The following EIF1AX variants were observed in gnomAD, a reference collection of about 807,000 sequenced individuals.
EIF1AX encodes eukaryotic translation initiation factor 1A, X-chromosomal.
A neutral mutation model predicts 16.1 loss-of-function variants in EIF1AX; 1 was observed. The ratio of observed to expected loss-of-function variants is 0.06; its 90% CI spans 0.02 to 0.30. The LOEUF is 0.30. Ranked by LOEUF, EIF1AX falls within the 10% of genes least tolerant of loss-of-function variation. The pLI, the probability that EIF1AX is intolerant of heterozygous loss-of-function variation, is 1.00. For missense variants in EIF1AX, 11 were observed against 109.1 expected, an observed-to-expected ratio of 0.10 and a Z score of 4.00; for synonymous variants, 32 against 37.3, an observed-to-expected ratio of 0.86 and a Z score of 0.51.
At position 20,125,365 on chromosome X, in the gene EIF1AX, A is replaced by C. The variant is rs2066982216; in HGVS notation, c.*2941T>G. The C allele has an allele frequency of 5.8e-6, 1 of 171,395 alleles. No individual in the cohort carries two copies. The highest frequency in any genetic ancestry group is 1.1e-5 in the Non-Finnish European group (1 of 89,346). The allele number at this position is 171,395 out of a possible 1,213,427, so 14.1% of individuals were successfully genotyped here. A position where few individuals can be genotyped will look rare whatever the true frequency, so the allele number is the denominator to read the frequency against. On this transcript the variant is annotated 3_prime_UTR_variant, in exon 7 of 7. Transcript: ENST00000379607. ...TTTTCTGAATAGGAAGAAAAAAAGCAAAGATAAAAAGGATGGTAGTTTAGG... is the reference window on the plus strand; with the variant it reads ...TTTTCTGAATAGGAAGAAAAAAAGCCAAGATAAAAAGGATGGTAGTTTAGG...
chrX:20,131,540 G>A (rs1030400994), intron 5 of EIF1AX, among the ~76,000 whole-genome samples: 3 of 109,917 alleles, frequency 2.7e-5, no homozygotes, highest in Non-Finnish European at 5.7e-5. Flanking sequence ...GCTGAGAATC[G>A]CTTGAACCTG....
rs926130921 is a variant in EIF1AX at position 20,125,469 on chromosome X, A to G, written c.*2837T>C. ...TAAATAAAACTTACCCTTACGAAGT[A>G]GAATAAAGATAAGCATTTCATACCA... On this transcript the variant is annotated 3_prime_UTR_variant, in exon 7 of 7. Transcript: ENST00000379607. 4 of 170,518 alleles carry G rather than the reference A, an allele frequency of 2.3e-5. No individual in the cohort carries two copies. The highest frequency in any genetic ancestry group is 3.4e-5 in the Non-Finnish European group (3 of 89,064). 14.1% of individuals were successfully genotyped at this position (170,518 alleles called of 1,213,427 possible).
chrX:20,132,504 T>C (rs1391685971), intron 4 of EIF1AX, among the ~76,000 whole-genome samples: 4 of 111,781 alleles, frequency 3.6e-5, no homozygotes, highest in Admixed American at 2.9e-4. Context: ...CTCACTTTAA[T>C]AAGAGCAGAA....
intron 6 of EIF1AX, among the ~76,000 whole-genome samples, chrX:20,128,864 T>C (rs2066992902): frequency 9.0e-6 from 1 of 111,171 alleles, no homozygotes; most frequent in African/African-American, 3.3e-5. Flanking sequence ...TGACCACGCC[T>C]AGATTCTCAA....
At chrX:20,134,238 A>T (rs2067009093) in intron 3 of EIF1AX, among the ~76,000 whole-genome samples, 1 of 110,809 alleles carries the variant, frequency 9.0e-6, no homozygotes, top group Non-Finnish European at 1.9e-5. Context: ...AAATACAAAA[A>T]TTAGCTGGGC....
At chrX:20,139,809 A>C (rs1335787447) in intron 1 of EIF1AX, among the ~76,000 whole-genome samples, 1 of 112,249 alleles carries the variant, frequency 8.9e-6, no homozygotes, top group East Asian at 2.8e-4. Flanking sequence ...TACCTCCAAA[A>C]AGAGAGTAAA....
intron 3 of EIF1AX, 147 bp downstream of exon 3, chrX:20,135,591 T>A: frequency 2.4e-6 from 1 of 418,409 alleles, no homozygotes; most frequent in Non-Finnish European, 4.3e-6. Context: ...ATTACAGACC[T>A]TGCTATTTTA....
At chrX:20,131,459 C>G (rs2148607225) in intron 5 of EIF1AX, among the ~76,000 whole-genome samples, 1 of 109,603 alleles carries the variant, frequency 9.1e-6, no homozygotes, top group South Asian at 4.0e-4. Flanking sequence ...ATGGTGAAAC[C>G]CCGTCTCTAC....
intron 2 of EIF1AX, among the ~76,000 whole-genome samples, chrX:20,137,182 C>T (rs767904532): frequency 8.0e-5 from 9 of 111,984 alleles, no homozygotes; most frequent in African/African-American, 2.6e-4. Context: ...CGGTGGCTCA[C>T]GCCTGTAATC....
chrX:20,130,632 A>G (rs751003392), intron 5 of EIF1AX, 25 bp from the exon 6 acceptor site: 16 of 1,171,236 alleles, frequency 1.4e-5, no homozygotes, highest in East Asian at 3.1e-5. Flanking sequence ...AGAAATACTC[A>G]TAAGTCAGCA....
chrX:20,128,934 AT>A (rs571306745), intron 6 of EIF1AX, among the ~76,000 whole-genome samples: 129 of 100,090 alleles, frequency 1.3e-3, no homozygotes, highest in Admixed American at 1.8e-3. Flanking sequence ...AGGTTCCTTA[AT>A]TTTTTTTTTT....
chrX:20,135,786 G>A lies in EIF1AX; in HGVS notation c.156C>T (p.Phe52=), dbSNP rs151115944. 6.5e-5 allele frequency: 78 copies of A among 1,206,153 alleles called. No individual in the cohort carries two copies. Among genetic ancestry groups the A allele is most frequent in the Non-Finnish European group, 8.1e-5 (72 of 892,279 alleles). ...LGNGRLEAMC[F]DGVKRLCHIR... ...TGTGACATAACCTCTTTACACCATC[G>A]AAACACATTGCTTCTAGCCGTCCAT... The change falls in exon 3 of 7, where the codon TTC becomes TTT. Residue 52 remains phenylalanine, a synonymous_variant. Coordinates refer to ENST00000379607, the MANE Select transcript of EIF1AX (RefSeq NM_001412.4).
Position 20,137,994 on chromosome X carries a change from G to GTT in EIF1AX, c.100+543_100+544dup, listed in dbSNP as rs72040979. Among the ~76,000 whole-genome samples, 185 of 36,761 alleles carry GTT rather than the reference G, an allele frequency of 5.0e-3. 25 individuals are homozygous for GTT. Among genetic ancestry groups the GTT allele is most frequent in the African/African-American group, 0.021 (177 of 8,327 alleles). The allele number at this position is 36,761 out of a possible 115,157, so 31.9% of individuals were successfully genotyped here. On this transcript the variant is annotated intron_variant, in intron 2 of 6. Coordinates refer to ENST00000379607, the MANE Select transcript of EIF1AX (RefSeq NM_001412.4). ...CATATGAAGACCTCATCTCTATACA[G>GTT]TTTTTTTTTTTTTTTTTTTTTTTTT... is the stretch of plus-strand genomic sequence containing the variant.
intron 3 of EIF1AX, among the ~76,000 whole-genome samples, chrX:20,134,395 CAAAT>C (rs1336506923): frequency 2.0e-5 from 2 of 100,253 alleles, no homozygotes; most frequent in African/African-American, 3.7e-5. Context: ...CTCAAAAAAA[CAAAT>C]AAATAAACTT....
At chrX:20,133,571 C>A (rs2067007240) in intron 4 of EIF1AX, among the ~76,000 whole-genome samples, 1 of 109,185 alleles carries the variant, frequency 9.2e-6, no homozygotes, top group Middle Eastern at 4.8e-3. Context: ...TAGTATCATA[C>A]AGGGATGATT....
At chrX:20,134,827 G>A (rs1284522206) in intron 3 of EIF1AX, among the ~76,000 whole-genome samples, 3 of 112,278 alleles carry the variant, frequency 2.7e-5, no homozygotes, top group Non-Finnish European at 5.6e-5. Flanking sequence ...TACAAAATCA[G>A]AGTTGGGACT....
At chrX:20,138,308 A>C (rs2067024125) in intron 2 of EIF1AX, among the ~76,000 whole-genome samples, 1 of 109,761 alleles carries the variant, frequency 9.1e-6, no homozygotes, top group African/African-American at 3.3e-5. Context: ...CAGCCTAAAA[A>C]AATTTTTAAA....
intron 2 of EIF1AX, 150 bp from the exon 3 acceptor site, chrX:20,135,991 TAA>T (rs1304301526): frequency 2.2e-6 from 1 of 449,731 alleles, no homozygotes; most frequent in Non-Finnish European, 4.0e-6. Context: ...AAGGGAGTGA[TAA>T]ACATCAAGTT....
At chrX:20,135,996 A>T in intron 2 of EIF1AX, 155 bp from the exon 3 acceptor site, 2 of 443,726 alleles carry the variant, frequency 4.5e-6, no homozygotes, top group East Asian at 3.8e-5. Context: ...AGTGATAAAC[A>T]TCAAGTTAGT....
Sources: gnomAD v4.1 joint callset for allele counts (sites outside exome capture counted in the v4.1 genomes callset) on GRCh38, gnomAD v4.1.1 for gene constraint, MANE v1.5 for transcripts, NCBI Gene and HGNC (gene_info 2026-07-23, HGNC 2026-07-21) for gene names.